The following CAST variants were observed in gnomAD, a reference collection of about 807,000 sequenced individuals.
CAST encodes the protein calpastatin, also known as MIR583 host.
CAST carries 76 observed loss-of-function variants against 119.6 expected under a neutral mutation model. The observed-to-expected ratio is 0.64, with a 90% CI of 0.53 to 0.77. The LOEUF is 0.77. Ranked by LOEUF, CAST falls within the 30% of genes least tolerant of loss-of-function variation. The pLI, the probability that CAST is intolerant of heterozygous loss-of-function variation, is 0.00. For synonymous variants in CAST, 319 were observed against 331.6 expected (o/e 0.96, Z 0.41); for missense variants, 953 against 946.5 (o/e 1.01, Z -0.09).
chr5:96,463,111 T>C, the CAST span, among the ~76,000 whole-genome samples: 13 of 152,072 alleles, frequency 8.5e-5, no homozygotes, highest in Non-Finnish European at 1.9e-4. Context: ...GGAAAGGTGG[T>C]AAGGTGTCCC....
At chr5:95,969,942 C>T in the CAST span, among the ~76,000 whole-genome samples, 1 of 152,056 alleles carries the variant, frequency 6.6e-6, no homozygotes, top group Non-Finnish European at 1.5e-5. Flanking sequence ...GGGGAATATT[C>T]CTAAATTTCA....
chr5:96,087,469 A>G, the CAST span, among the ~76,000 whole-genome samples: 1 of 152,160 alleles, frequency 6.6e-6, no homozygotes, highest in Admixed American at 6.5e-5. Context: ...ACTTTTCCCT[A>G]TACCAGAAGT....
chr5:96,067,430 G>A, the CAST span, among the ~76,000 whole-genome samples: 1 of 152,102 alleles, frequency 6.6e-6, no homozygotes, highest in South Asian at 2.1e-4. Context: ...TTTTCTGATG[G>A]ATCATTAGGA....
the CAST span, among the ~76,000 whole-genome samples, chr5:96,309,537 A>G: frequency 6.6e-6 from 1 of 152,204 alleles, no homozygotes; most frequent in African/African-American, 2.4e-5. Context: ...GTGTCTGCCC[A>G]AATGGCCTCC....
chr5:96,078,368 G>C, the CAST span, among the ~76,000 whole-genome samples: 1 of 151,926 alleles, frequency 6.6e-6, no homozygotes, highest in Non-Finnish European at 1.5e-5. Context: ...CTTAAAGACA[G>C]GGGTAAATTT....
the CAST span, among the ~76,000 whole-genome samples, chr5:96,067,795 C>G: frequency 2.3e-4 from 35 of 152,120 alleles, no homozygotes; most frequent in Admixed American, 5.2e-4. Context: ...CTCCAAACCA[C>G]TTAACAGCCT....
the CAST span, among the ~76,000 whole-genome samples, chr5:96,495,747 T>A: frequency 2.0e-5 from 3 of 152,230 alleles, no homozygotes; most frequent in African/African-American, 4.8e-5. Flanking sequence ...TGTGTCTTTA[T>A]AGTAGAATTG....
chr5:96,351,929 G>T, the CAST span, among the ~76,000 whole-genome samples: 1 of 152,268 alleles, frequency 6.6e-6, no homozygotes. Flanking sequence ...TTAACTAACC[G>T]AAATGCCTTT....
intron 1 of CAST, among the ~76,000 whole-genome samples, chr5:96,559,750 A>C (rs1480137174): frequency 6.6e-6 from 1 of 152,224 alleles, no homozygotes; most frequent in Non-Finnish European, 1.5e-5. Context: ...GGGTAGGAAG[A>C]ATCAGTATCG....
At chr5:96,333,644 G>A in the CAST span, among the ~76,000 whole-genome samples, 1 of 152,124 alleles carries the variant, frequency 6.6e-6, no homozygotes, top group East Asian at 1.9e-4. Context: ...GTAGGGAACT[G>A]GACTGCTCAA....
chr5:96,445,360 G>C, the CAST span, among the ~76,000 whole-genome samples: 1 of 152,176 alleles, frequency 6.6e-6, no homozygotes, highest in Non-Finnish European at 1.5e-5. Context: ...TTAAGGCCAG[G>C]AGTTCAAGGC....
chr5:96,009,033 T>C, the CAST span, among the ~76,000 whole-genome samples: 1 of 152,180 alleles, frequency 6.6e-6, no homozygotes, highest in Non-Finnish European at 1.5e-5. Flanking sequence ...GCTCAGTGTT[T>C]AGTTCCCACT....
rs567883666 is a variant in CAST at position 96,741,173 on chromosome 5, G to A, written c.919-93G>A. On this transcript the variant is annotated intron_variant, in intron 13 of 31. Coordinates refer to ENST00000675179, the MANE Select transcript of CAST (RefSeq NM_001750.7). Reference sequence around the variant, plus strand: ...CACCTCATTTGGTAGCAAGGGAATTGGAAAAGTGCATTCTTCATTTGCTAG... The same window carrying A: ...CACCTCATTTGGTAGCAAGGGAATTAGAAAAGTGCATTCTTCATTTGCTAG... The A allele has an allele frequency of 2.3e-3, 1,708 of 731,170 alleles. 31 individuals carry two copies. The South Asian group carries it at 0.025, about 11-fold the overall frequency. 45.3% of individuals were successfully genotyped at this position (731,170 alleles called of 1,614,324 possible).
chr5:96,198,557 C>T, the CAST span, among the ~76,000 whole-genome samples: 4 of 152,080 alleles, frequency 2.6e-5, no homozygotes, highest in East Asian at 1.9e-4. Flanking sequence ...TCAGCCTGTC[C>T]TTCTCATAGG....
intron 1 of CAST, among the ~76,000 whole-genome samples, chr5:96,642,015 G>A (rs1237469086): frequency 6.6e-6 from 1 of 152,062 alleles, no homozygotes; most frequent in East Asian, 1.9e-4. Flanking sequence ...TGCCTGAGAG[G>A]GTGCACAATC....
chr5:96,157,796 CA>C, the CAST span, among the ~76,000 whole-genome samples: 2 of 152,102 alleles, frequency 1.3e-5, no homozygotes, highest in Non-Finnish European at 2.9e-5. Flanking sequence ...ACTAGATGTA[CA>C]AAAAATACAA....
the CAST span, among the ~76,000 whole-genome samples, chr5:96,135,772 T>C: frequency 6.6e-6 from 1 of 152,070 alleles, no homozygotes; most frequent in Non-Finnish European, 1.5e-5. Flanking sequence ...AAAATGTGTA[T>C]ATGAGGCCAG....
At chr5:96,506,745 C>G in the CAST span, among the ~76,000 whole-genome samples, 122 of 152,306 alleles carry the variant, frequency 8.0e-4, 1 homozygote, top group African/African-American at 2.9e-3. Context: ...GTAAAAAGAC[C>G]TCCACATAGA....
At chr5:96,520,947 T>C (rs1400960366), upstream of CAST, among the ~76,000 whole-genome samples, 1 of 152,180 alleles carries the variant, frequency 6.6e-6, no homozygotes, top group Non-Finnish European at 1.5e-5. Context: ...TAAAATTCCA[T>C]GAAATCCCAT....
Sources: allele counts gnomAD v4.1 joint callset (sites outside exome capture counted in the v4.1 genomes callset), GRCh38; gene constraint gnomAD v4.1.1; transcripts MANE v1.5; gene names NCBI Gene and HGNC (gene_info 2026-07-23, HGNC 2026-07-21).